Variants in ZNF638 observed in about 807,000 individuals in gnomAD.
The protein encoded by ZNF638 is CTCL tumor antigen se33-1.
A neutral mutation model predicts 195.6 loss-of-function variants in ZNF638; 46 were observed. That is an observed-to-expected ratio of 0.24 (90% CI 0.19 to 0.30). The LOEUF is 0.30. Ranked by LOEUF, ZNF638 falls within the 10% of genes least tolerant of loss-of-function variation. ZNF638 has a pLI of 1.00. For missense variants in ZNF638, 2,440 were observed against 2,325.3 expected (o/e 1.05, Z -1.01); for synonymous variants, 845 against 772.0 (o/e 1.09, Z -1.57).
intron 8 of ZNF638, chr2:71,376,443 G>A (rs1431659704): frequency 1.3e-5 from 2 of 152,188 alleles, no homozygotes; most frequent in Non-Finnish European, 2.9e-5. Context: ...GTCTGAGGCA[G>A]GAAGGGGCAA....
At chr2:71,431,624 G>GT (rs1362854258) in intron 26 of ZNF638, among the ~76,000 whole-genome samples, 196 bp downstream of exon 26, 4 of 152,168 alleles carry the variant, frequency 2.6e-5, no homozygotes, top group African/African-American at 9.7e-5. Flanking sequence ...GCCGGACGTG[G>GT]TGGCGGGCGC....
At chr2:71,332,634 T>TTG (rs2078592875) in intron 1 of ZNF638, among the ~76,000 whole-genome samples, 1 of 152,174 alleles carries the variant, frequency 6.6e-6, no homozygotes, top group Non-Finnish European at 1.5e-5. Flanking sequence ...GATTCTTAGC[T>TTG]TGGGCCCCGT....
chr2:71,375,428 T>C (rs2079403330), intron 8 of ZNF638: 1 of 152,174 alleles, frequency 6.6e-6, no homozygotes, highest in South Asian at 2.1e-4. Flanking sequence ...ATTTGTAAGA[T>C]GGTTTCTGCA....
intron 1 of ZNF638, among the ~76,000 whole-genome samples, chr2:71,348,010 A>T (rs2078879913): frequency 6.6e-6 from 1 of 152,208 alleles, no homozygotes; most frequent in Admixed American, 6.5e-5. Context: ...ACGCTGACTG[A>T]CACGTGGACA....
chr2:71,395,983 AAGAATTTGCCCCCAT>A (rs2079885228), intron 10 of ZNF638, 143 bp from the exon 11 acceptor site: 2 of 667,038 alleles, frequency 3.0e-6, no homozygotes, highest in Admixed American at 5.8e-5. Context: ...GTCCATATCT[AAGAATTTGCCCCCAT>A]AGTAATTCCA....
In ZNF638 at chr2:71,434,782, A is replaced by C; in HGVS notation, c.5912A>C (p.Glu1971Ala). ...CAAAGAAAGGAAAAGGAGCAGAATG[A>C]GGCTGAAGAAAGAAGCTCTAGGTGA... ...AKQRKEKEQN[E>A]AEERSSR The change falls in exon 28 of 28, where the codon GAG becomes GCG. Residue 1971 changes from glutamate to alanine, a missense_variant. Coordinates refer to ENST00000264447, the MANE Select transcript of ZNF638 (RefSeq NM_014497.5). 2 of 1,611,274 alleles carry C rather than the reference A, an allele frequency of 1.2e-6. No homozygotes were observed. Among genetic ancestry groups the C allele is most frequent in the Non-Finnish European group, 1.7e-6 (2 of 1,179,232 alleles).
Position 71,369,992 on chromosome 2 carries a change from A to T in ZNF638, c.2252A>T (p.Lys751Met). ...AGTGTGAAAATATGTGTTCCAGGAAAGAAAAAAGCACAGGTAATCTGGATT... is the reference window on the plus strand; with the variant it reads ...AGTGTGAAAATATGTGTTCCAGGAATGAAAAAAGCACAGGTAATCTGGATT... ...GKSVKICVPG[K>M]KKAQNKEVKK... The change falls in exon 8 of 28, where the codon AAG (lysine) becomes ATG (methionine). Residue 751 changes from lysine to methionine, a missense_variant. Around this residue, in one of 5 missense-constraint regions of ZNF638, gnomAD observed 1,883 missense variants for 1,739.1 expected, o/e 1.08. Coordinates refer to ENST00000264447, the MANE Select transcript of ZNF638 (RefSeq NM_014497.5). 2 of 1,593,724 alleles carry T rather than the reference A, an allele frequency of 1.3e-6. No individual in the cohort carries two copies. The highest frequency in any genetic ancestry group is 1.7e-6 in the Non-Finnish European group (2 of 1,174,636).
At chr2:71,355,388 T>G (rs2079008343) in intron 2 of ZNF638, among the ~76,000 whole-genome samples, 1 of 152,038 alleles carries the variant, frequency 6.6e-6, no homozygotes, top group African/African-American at 2.4e-5. Context: ...GTGTGTTGTT[T>G]TTATATTTGC....
intron 20 of ZNF638, 144 bp from the exon 21 acceptor site, chr2:71,418,453 AGTAAT>A: frequency 2.3e-6 from 1 of 439,586 alleles, no homozygotes; most frequent in Non-Finnish European, 4.0e-6. Flanking sequence ...AGAACCTGAT[AGTAAT>A]GTAGACACTG....
intron 1 of ZNF638, among the ~76,000 whole-genome samples, chr2:71,347,042 A>G (rs1426509047): frequency 7.2e-6 from 1 of 138,414 alleles, no homozygotes; most frequent in Admixed American, 7.7e-5. Context: ...GAAAAAAAAA[A>G]GAAAGATTAT....
intron 20 of ZNF638, 195 bp from the exon 21 acceptor site, chr2:71,418,407 A>T (rs2080349687): frequency 2.6e-6 from 1 of 388,864 alleles, no homozygotes; most frequent in South Asian, 1.1e-4. Flanking sequence ...ATTGTGTGTG[A>T]CCTAATTTGG....
chr2:71,349,610 A>G lies in ZNF638; in HGVS notation c.656A>G (p.Tyr219Cys), dbSNP rs774777309. The change falls in exon 2 of 28, where the codon TAC becomes TGC. Residue 219 changes from tyrosine (Y) to cysteine (C), a missense_variant. Transcript: ENST00000264447. ...TATGGGCATGCAAGCAAATATGGCT[A>G]CACAGAAGATCCACTTGAAGTACGT... ...IDYGHASKYG[Y>C]TEDPLEVRIY... is the part of the protein sequence containing the mutation. 2.5e-6 allele frequency: 4 copies of G among 1,614,234 alleles called. No individual in the cohort carries two copies. Among genetic ancestry groups the G allele is most frequent in the South Asian group, 1.1e-5 (1 of 91,084 alleles).
chr2:71,346,399 T>C (rs985884837), intron 1 of ZNF638, among the ~76,000 whole-genome samples: 4 of 152,206 alleles, frequency 2.6e-5, no homozygotes, highest in African/African-American at 9.7e-5. Flanking sequence ...AAATGAACTT[T>C]TTAACAGAAT....
intron 14 of ZNF638, 88 bp downstream of exon 14, chr2:71,400,268 G>T: frequency 8.8e-7 from 1 of 1,139,812 alleles, no homozygotes; most frequent in Non-Finnish European, 1.2e-6. Flanking sequence ...TACGATTCAT[G>T]TCTTTATCTC....
At chr2:71,420,399 A>G (rs1296426215) in intron 21 of ZNF638, among the ~76,000 whole-genome samples, 1 of 152,206 alleles carries the variant, frequency 6.6e-6, no homozygotes, top group African/African-American at 2.4e-5. Flanking sequence ...TAAAGCCACA[A>G]ATAAGAATGC....
intron 3 of ZNF638, among the ~76,000 whole-genome samples, chr2:71,358,156 T>C (rs1409010707): frequency 6.6e-6 from 1 of 152,134 alleles, no homozygotes; most frequent in Non-Finnish European, 1.5e-5. Context: ...CACCTTCTCT[T>C]CCCTTAAACC....
rs932845028 is a variant in ZNF638, at chr2:71,387,099, A to G, written c.2377+6534A>G. 2.6e-5 allele frequency among the ~76,000 whole-genome samples: 4 copies of G among 152,272 alleles called. No individual in the cohort carries two copies. The South Asian group carries it at 6.2e-4, about 24-fold the overall frequency. ...ACATAAGCTGATTCTAAGTTTATATATTATAAGAAATTAACATAGAAGAAT... is the reference window on the plus strand; with the variant it reads ...ACATAAGCTGATTCTAAGTTTATATGTTATAAGAAATTAACATAGAAGAAT... On this transcript the variant is annotated intron_variant, in intron 10 of 27. Transcript: ENST00000264447.
At chr2:71,393,384 C>A (rs1347473247) in intron 10 of ZNF638, 3 of 717,322 alleles carry the variant, frequency 4.2e-6, no homozygotes, top group Admixed American at 4.0e-5. Flanking sequence ...TGTGTTCACA[C>A]CCCCCTCAGG....
chr2:71,368,320 T>G, intron 6 of ZNF638, 62 bp from the exon 7 acceptor site: 1 of 1,465,538 alleles, frequency 6.8e-7, no homozygotes, highest in Non-Finnish European at 9.2e-7. Context: ...ATATAGGAAA[T>G]TATTACTGTA....
Sources: gnomAD v4.1 joint callset for allele counts (sites outside exome capture counted in the v4.1 genomes callset) on GRCh38, gnomAD v4.1.1 for gene constraint, gnomAD v4.1.1 regional missense constraint, MANE v1.5 for transcripts, NCBI Gene and HGNC (gene_info 2026-07-23, HGNC 2026-07-21) for gene names.